The following RIMS1 variants were observed in gnomAD, a reference collection of about 807,000 sequenced individuals.
RIMS1 encodes regulating synaptic membrane exocytosis protein 1.
RIMS1 carries 83 observed loss-of-function variants against 214.1 expected under a neutral mutation model. That is an observed-to-expected ratio of 0.39 (90% CI 0.32 to 0.47). The LOEUF (loss-of-function observed/expected upper bound fraction) is 0.47. Among genes scored for constraint, RIMS1 ranks in the 20% least tolerant of loss-of-function variants. The pLI, the probability that RIMS1 is intolerant of heterozygous loss-of-function variation, is 0.99. For missense variants in RIMS1, 2,050 were observed against 2,161.8 expected, an observed-to-expected ratio of 0.95 and a Z score of 1.03; for synonymous variants, 793 against 786.8, an observed-to-expected ratio of 1.01 and a Z score of -0.13.
At position 72,177,147 on chromosome 6, in the gene RIMS1, CT is replaced by C. The variant is rs574111113; in HGVS notation, c.472-2425del. On this transcript the variant is annotated intron_variant, in intron 4 of 33. Coordinates refer to ENST00000521978, the MANE Select transcript of RIMS1 (RefSeq NM_014989.7). ...ATTTAGCTTTATTCAATTTTAGAAA[CT>C]TTGTAATTGTAAATTTGTGTTTTCT... Among the ~76,000 whole-genome samples, 37 of 152,084 alleles carry C rather than the reference CT, an allele frequency of 2.4e-4. 1 individual carries two copies. The highest frequency in any genetic ancestry group is 2.0e-3 in the Admixed American group (31 of 15,272).
intron 30 of RIMS1, among the ~76,000 whole-genome samples, chr6:72,391,045 T>C (rs375656722): frequency 5.3e-5 from 8 of 152,328 alleles, no homozygotes; most frequent in Non-Finnish European, 8.8e-5. Flanking sequence ...GGTAATGGAC[T>C]CTTTCATATG....
intron 1 of RIMS1, among the ~76,000 whole-genome samples, chr6:71,911,552 TTGG>T (rs1476382030): frequency 6.6e-6 from 1 of 152,300 alleles, no homozygotes; most frequent in African/African-American, 2.4e-5. Context: ...ACTCTGGCCC[TTGG>T]TGGATTTAGC....
chr6:72,368,009 C>A (rs572011490), intron 29 of RIMS1, among the ~76,000 whole-genome samples: 4 of 152,160 alleles, frequency 2.6e-5, no homozygotes, highest in South Asian at 2.1e-4. Context: ...TATAAATGTA[C>A]TTAGGATGGC....
intron 1 of RIMS1, among the ~76,000 whole-genome samples, chr6:71,943,733 AGCTG>A (rs1333162462): frequency 3.3e-5 from 5 of 152,200 alleles, no homozygotes; most frequent in Non-Finnish European, 2.9e-5. Flanking sequence ...TCAAAATTGT[AGCTG>A]TCATAGTTAT....
chr6:72,244,490 G>C lies in RIMS1; in HGVS notation c.2082-1325G>C, dbSNP rs543449557. Among the ~76,000 whole-genome samples, 22 of 151,764 alleles carry C rather than the reference G, an allele frequency of 1.4e-4. No individual in the cohort carries two copies. In the South Asian group the frequency reaches 3.7e-3, roughly 26 times the overall value. On this transcript the variant is annotated intron_variant, in intron 10 of 33. Coordinates refer to ENST00000521978, the MANE Select transcript of RIMS1 (RefSeq NM_014989.7). The stretch of plus-strand genomic sequence containing the variant: ...AACTTCAAATTCTGATTTCATAATG[G>C]ACTATGAGGCTGATTTTTTAAGAAG...
At chr6:71,969,104 C>T in intron 2 of RIMS1, 41 bp downstream of exon 2, 1 of 1,562,206 alleles carries the variant, frequency 6.4e-7, no homozygotes, top group Non-Finnish European at 8.8e-7. Context: ...AATGTCGTCT[C>T]TTACACAGAT....
intron 29 of RIMS1, among the ~76,000 whole-genome samples, chr6:72,339,299 A>T (rs988508711): frequency 2.0e-5 from 3 of 151,900 alleles, no homozygotes; most frequent in African/African-American, 7.2e-5. Flanking sequence ...TTTTAAAATT[A>T]TACTTTAAGT....
intron 23 of RIMS1, among the ~76,000 whole-genome samples, chr6:72,275,547 G>C (rs1363247805): frequency 1.3e-5 from 2 of 152,006 alleles, no homozygotes; most frequent in Admixed American, 1.3e-4. Flanking sequence ...GATATTTTAT[G>C]AAGGTTTCAG....
At chr6:72,195,771 A>G (rs1454006276) in intron 6 of RIMS1, among the ~76,000 whole-genome samples, 1 of 152,122 alleles carries the variant, frequency 6.6e-6, no homozygotes, top group Non-Finnish European at 1.5e-5. Context: ...TCTTACTGCT[A>G]TAAAGAACTG....
chr6:72,125,875 T>A (rs570220130), intron 4 of RIMS1, among the ~76,000 whole-genome samples: 3 of 152,276 alleles, frequency 2.0e-5, no homozygotes, highest in African/African-American at 7.2e-5. Context: ...GAGTCCCGAT[T>A]TTCCAGGTAC....
intron 4 of RIMS1, among the ~76,000 whole-genome samples, chr6:72,105,872 C>A (rs1269938142): frequency 6.6e-6 from 1 of 152,128 alleles, no homozygotes; most frequent in Non-Finnish European, 1.5e-5. Flanking sequence ...TTATAAGCCT[C>A]AGGTCTACTA....
intron 27 of RIMS1, among the ~76,000 whole-genome samples, chr6:72,313,116 C>A (rs1032912516): frequency 1.3e-5 from 2 of 151,844 alleles, no homozygotes; most frequent in East Asian, 1.9e-4. Context: ...GAATGCTCAG[C>A]CTATACTTTG....
rs191401826 is a variant in RIMS1 at position 71,955,038 on chromosome 6, G to T, written c.165-13945G>T. The stretch of plus-strand genomic sequence containing the variant: ...ATATTTGAAATACATCCATATCATT[G>T]CATGTGTTAAAAATATATTTTATTC... On this transcript the variant is annotated intron_variant, in intron 1 of 33. Coordinates refer to ENST00000521978, the MANE Select transcript of RIMS1 (RefSeq NM_014989.7). Among the ~76,000 whole-genome samples the T allele has an allele frequency of 1.2e-3, 190 of 152,088 alleles. 1 individual carries two copies. Among genetic ancestry groups the T allele is most frequent in the Non-Finnish European group, 2.8e-4 (19 of 67,996 alleles).
intron 28 of RIMS1, among the ~76,000 whole-genome samples, chr6:72,318,883 T>C (rs763680055): frequency 6.6e-6 from 1 of 152,156 alleles, no homozygotes; most frequent in Non-Finnish European, 1.5e-5. Flanking sequence ...TGACCTCAAG[T>C]TGGTATTTTA....
intron 2 of RIMS1, among the ~76,000 whole-genome samples, chr6:72,007,517 A>C (rs1276859469): frequency 6.6e-6 from 1 of 152,194 alleles, no homozygotes; most frequent in Non-Finnish European, 1.5e-5. Context: ...CAGACAATCA[A>C]ACTTCTCTGA....
intron 4 of RIMS1, among the ~76,000 whole-genome samples, chr6:72,165,276 T>A (rs2153942739): frequency 6.6e-6 from 1 of 152,350 alleles, no homozygotes; most frequent in African/African-American, 2.4e-5. Context: ...CTTAATTACA[T>A]AAGTTCATTT....
chr6:72,049,074 G>C (rs1185844372), intron 2 of RIMS1, among the ~76,000 whole-genome samples: 2 of 152,160 alleles, frequency 1.3e-5, no homozygotes, highest in African/African-American at 2.4e-5. Context: ...GCTCAGAGCA[G>C]ACCAAGCTTA....
chr6:72,267,494 T>C (rs2081127501), intron 22 of RIMS1, among the ~76,000 whole-genome samples: 1 of 152,184 alleles, frequency 6.6e-6, no homozygotes, highest in African/African-American at 2.4e-5. Context: ...TTTTTAACCC[T>C]GTATATTCAA....
intron 2 of RIMS1, among the ~76,000 whole-genome samples, chr6:72,019,705 C>T (rs919599198): frequency 6.6e-6 from 1 of 152,042 alleles, no homozygotes; most frequent in Admixed American, 6.6e-5. Flanking sequence ...TTTTCCCTTT[C>T]CTGTTCTTCT....
Sources: allele counts gnomAD v4.1 joint callset (sites outside exome capture counted in the v4.1 genomes callset), GRCh38; gene constraint gnomAD v4.1.1; transcripts MANE v1.5; gene names NCBI Gene and HGNC (gene_info 2026-07-23, HGNC 2026-07-21).